Variants in LIPI observed in about 807,000 individuals in gnomAD.
The protein encoded by LIPI is lipase member I.
A neutral mutation model predicts 50.6 loss-of-function variants in LIPI; 59 were observed. The observed-to-expected ratio is 1.16, with a 90% CI of 0.94 to 1.45. The LOEUF (loss-of-function observed/expected upper bound fraction) is 1.45, where lower values mean the gene tolerates loss of function less well. Among genes scored for constraint, LIPI ranks in the 40% most tolerant of loss-of-function variants. The probability of loss-of-function intolerance (pLI) is 0.00; values close to 1 mark genes in which losing one functional copy is unlikely to be tolerated. For synonymous variants in LIPI, 203 were observed against 178.2 expected (o/e 1.14, Z -1.11); for missense variants, 586 against 536.3 (o/e 1.09, Z -0.92).
chr21:14,131,048 T>A (rs1195497841), intron 9 of LIPI, among the ~76,000 whole-genome samples: 2 of 152,280 alleles, frequency 1.3e-5, no homozygotes, highest in Admixed American at 6.5e-5. Context: ...CCTCCCAGGT[T>A]CATGCCACTC....
intron 7 of LIPI, among the ~76,000 whole-genome samples, chr21:14,161,562 A>G (rs1334325225): frequency 9.7e-6 from 1 of 103,604 alleles, no homozygotes; most frequent in Non-Finnish European, 1.8e-5. Context: ...TTAATATATT[A>G]TATCTATTAT....
intron 9 of LIPI, among the ~76,000 whole-genome samples, chr21:14,112,576 G>A (rs1279516817): frequency 6.6e-6 from 1 of 150,958 alleles, no homozygotes; most frequent in Admixed American, 6.6e-5. Flanking sequence ...TTATTCCTAG[G>A]TATTTTATCA....
intron 3 of LIPI, among the ~76,000 whole-genome samples, chr21:14,184,641 G>C (rs2019391447): frequency 6.6e-6 from 1 of 152,066 alleles, no homozygotes; most frequent in Non-Finnish European, 1.5e-5. Flanking sequence ...TTCTGATATA[G>C]AACCTCCATG....
chr21:14,176,102 C>T (rs537214550), intron 4 of LIPI, among the ~76,000 whole-genome samples: 4 of 149,974 alleles, frequency 2.7e-5, no homozygotes, highest in Non-Finnish European at 3.0e-5. Context: ...GGCGTGAACC[C>T]GGGAGTTGGA....
At chr21:14,176,941 G>T (rs1401949936) in intron 4 of LIPI, among the ~76,000 whole-genome samples, 1 of 151,906 alleles carries the variant, frequency 6.6e-6, no homozygotes. Flanking sequence ...TATTTTTAAG[G>T]CTCAGTATAT....
At chr21:14,155,546 C>A (rs1014066850) in intron 7 of LIPI, among the ~76,000 whole-genome samples, 1 of 151,876 alleles carries the variant, frequency 6.6e-6, no homozygotes, top group Non-Finnish European at 1.5e-5. Context: ...AAAGTAAAAA[C>A]AAAGAAATAA....
At chr21:14,161,284 T>C (rs1005947022) in intron 7 of LIPI, among the ~76,000 whole-genome samples, 4 of 147,764 alleles carry the variant, frequency 2.7e-5, no homozygotes, top group African/African-American at 9.8e-5. Flanking sequence ...AATGTATACG[T>C]ATATTCCATA....
At chr21:14,129,036 A>G (rs2017180145) in intron 9 of LIPI, among the ~76,000 whole-genome samples, 1 of 152,112 alleles carries the variant, frequency 6.6e-6, no homozygotes, top group Non-Finnish European at 1.5e-5. Context: ...AAGGAGACAT[A>G]GTTTCACAGA....
intron 9 of LIPI, among the ~76,000 whole-genome samples, chr21:14,140,969 C>T (rs56218024): frequency 0.011 from 1,717 of 152,206 alleles, 28 homozygotes; most frequent in African/African-American, 0.039. Flanking sequence ...ACAAGAATGG[C>T]TATTGCTATA....
Position 14,108,961 on chromosome 21 carries a change from A to C in LIPI, c.*32T>G. 1 of 1,610,472 alleles carries C rather than the reference A, an allele frequency of 6.2e-7. No homozygotes were observed. The highest frequency in any genetic ancestry group is 2.2e-5 in the East Asian group (1 of 44,698). ...GTTTCATTTACAAGTCCATTAATTC[A>C]CAAGCAAGTGCATTTGATGGAAGAA... On this transcript the variant is annotated 3_prime_UTR_variant, in exon 10 of 10. Transcript: ENST00000681601.
chr21:14,206,927 T>A (rs771428271), intron 1 of LIPI: 18 of 1,574,618 alleles, frequency 1.1e-5, no homozygotes, highest in Non-Finnish European at 1.3e-5. Flanking sequence ...GCAACATAAA[T>A]AAGACCCTAT....
intron 7 of LIPI, among the ~76,000 whole-genome samples, chr21:14,159,162 T>C (rs912262425): frequency 1.3e-5 from 2 of 151,356 alleles, no homozygotes; most frequent in South Asian, 4.1e-4. Flanking sequence ...GTAGTACGAA[T>C]ACGCTATTAC....
intron 1 of LIPI, among the ~76,000 whole-genome samples, chr21:14,204,537 G>C (rs184690969): frequency 6.6e-6 from 1 of 151,860 alleles, no homozygotes; most frequent in East Asian, 1.9e-4. Context: ...AACTGTATAA[G>C]AAAAATAAAT....
intron 9 of LIPI, among the ~76,000 whole-genome samples, chr21:14,115,417 TG>T (rs2016589598): frequency 6.8e-6 from 1 of 146,792 alleles, no homozygotes; most frequent in Admixed American, 6.7e-5. Context: ...CTGCTTTCTT[TG>T]TCCGGGGCTC....
At chr21:14,164,728 C>G (rs566410187) in intron 6 of LIPI, among the ~76,000 whole-genome samples, 44 of 152,148 alleles carry the variant, frequency 2.9e-4, no homozygotes, top group Middle Eastern at 3.4e-3. Context: ...TCAGAAGTAG[C>G]AATACTTAAC....
At chr21:14,194,112 T>C (rs1274995319) in intron 1 of LIPI, among the ~76,000 whole-genome samples, 2 of 152,134 alleles carry the variant, frequency 1.3e-5, no homozygotes, top group African/African-American at 2.4e-5. Context: ...CTACCTATTA[T>C]GATACTTGCT....
chr21:14,144,692 T>C lies in LIPI; in HGVS notation c.1226A>G (p.Asn409Ser). 1.3e-6 allele frequency: 2 copies of C among 1,587,150 alleles called. No individual in the cohort carries two copies. Among genetic ancestry groups the C allele is most frequent in the Non-Finnish European group, 8.7e-7 (1 of 1,155,854 alleles). Residue 409 changes from asparagine (N) to serine (S), a missense_variant, in exon 9 of 10, where the codon AAT becomes AGT. By Grantham distance (46) the Asn-to-Ser change is conservative. Coordinates refer to ENST00000681601, the MANE Select transcript of LIPI (RefSeq NM_001302998.2). Reference protein sequence around the residue: ...SIGLTYFQSSNLQCSTCTYKI... With the variant: ...SIGLTYFQSSSLQCSTCTYKI... ...GTATGTGCATGTGGAACACTGCAGA[T>C]TTGAGCTCTGGAAATATGTCAAACC... is the stretch of plus-strand genomic sequence containing the variant.
chr21:14,153,611 A>G (rs1359691847), intron 7 of LIPI, among the ~76,000 whole-genome samples: 1 of 152,178 alleles, frequency 6.6e-6, no homozygotes, highest in Non-Finnish European at 1.5e-5. Context: ...AGAAACAAAG[A>G]GAAATTAAAG....
chr21:14,198,803 A>G (rs2019951007), intron 1 of LIPI, among the ~76,000 whole-genome samples: 1 of 152,140 alleles, frequency 6.6e-6, no homozygotes, highest in Non-Finnish European at 1.5e-5. Context: ...ACAATAGAAT[A>G]CACATTTTTT....
Sources: gnomAD v4.1 joint callset for allele counts (sites outside exome capture counted in the v4.1 genomes callset) on GRCh38, gnomAD v4.1.1 for gene constraint, MANE v1.5 for transcripts, NCBI Gene and HGNC (gene_info 2026-07-23, HGNC 2026-07-21) for gene names.